Variants in RELT observed in about 807,000 individuals in gnomAD.
RELT encodes the protein tumor necrosis factor receptor superfamily member 19L.
In RELT, 37 loss-of-function variants were observed where a neutral mutation model predicts 51.1. That is an observed-to-expected ratio of 0.72 (90% CI 0.56 to 0.95). The LOEUF is 0.95. Ranked by LOEUF, RELT falls within the 40% of genes least tolerant of loss-of-function variation. The pLI, the probability that RELT is intolerant of heterozygous loss-of-function variation, is 0.00. For synonymous variants in RELT, 241 were observed against 235.7 expected (o/e 1.02, Z -0.21); for missense variants, 535 against 572.6 (o/e 0.93, Z 0.67).
chr11:73,390,605 C>T lies in RELT; in HGVS notation c.100C>T (p.Pro34Ser). Reference sequence around the variant, plus strand: ...ATCAACAACCCTTTGGCAGTGCCCACCTGGGGAGGAGCCCGACCTGGTGAG... The same window carrying T: ...ATCAACAACCCTTTGGCAGTGCCCATCTGGGGAGGAGCCCGACCTGGTGAG... ...LTSTTLWQCP[P>S]GEEPDLDPGQ... Residue 34 changes from proline to serine, a missense_variant, in exon 3 of 11, where the codon CCT (proline) becomes TCT (serine). Pro to Ser is a moderately conservative substitution (Grantham distance 74, BLOSUM62 -1). Coordinates refer to ENST00000064780, the MANE Select transcript of RELT (RefSeq NM_152222.2). 2 of 1,613,968 alleles carry T rather than the reference C, an allele frequency of 1.2e-6. No homozygotes were observed. The highest frequency in any genetic ancestry group is 1.7e-6 in the Non-Finnish European group (2 of 1,179,996).
rs1239295017 is a variant in RELT at position 73,388,984 on chromosome 11, G to C, written c.-25-128G>C. On this transcript the variant is annotated intron_variant, in intron 1 of 10. Transcript: ENST00000064780. This position sits in a 1 kb window ranked among gnomAD's most constrained non-coding sequence, Gnocchi z 4.1. ...GCGGGTGTGGAGCCGGCCTCCCCGG[G>C]CTCTGCCTGCCCAGCAGCACCTTGC... 1 of 640,700 alleles carries C rather than the reference G, an allele frequency of 1.6e-6. No individual in the cohort carries two copies. The highest frequency in any genetic ancestry group is 1.7e-5 in the South Asian group (1 of 57,242). The allele number at this position is 640,700 out of a possible 1,614,324, so 39.7% of individuals were successfully genotyped here.
chr11:73,393,540 C>T lies in RELT; in HGVS notation c.626-297C>T, dbSNP rs943460743. Reference sequence around the variant, plus strand: ...GAGGAGACAGTGCAGACCCAGAAGACGCTGACGCACCGCCCCCTCGCCCGC... The same window carrying T: ...GAGGAGACAGTGCAGACCCAGAAGATGCTGACGCACCGCCCCCTCGCCCGC... On this transcript the variant is annotated intron_variant, in intron 6 of 10. Coordinates refer to ENST00000064780, the MANE Select transcript of RELT (RefSeq NM_152222.2). 2.7e-5 allele frequency: 36 copies of T among 1,323,390 alleles called. No homozygotes were observed. The East Asian group carries it at 4.7e-4, about 17-fold the overall frequency. The allele number at this position is 1,323,390 out of a possible 1,614,324, so 82.0% of individuals were successfully genotyped here.
chr11:73,384,695 T>A (rs1456962202), intron 1 of RELT: 3 of 152,356 alleles, frequency 2.0e-5, no homozygotes, highest in Non-Finnish European at 4.4e-5. Context: ...GCCTGCTCAC[T>A]GGCTCTTCTA....
intron 1 of RELT, among the ~76,000 whole-genome samples, chr11:73,377,045 A>G (rs1046363820): frequency 6.6e-6 from 1 of 152,222 alleles, no homozygotes; most frequent in African/African-American, 2.4e-5. Flanking sequence ...CGGGCGACAC[A>G]GAGGGGCTCT....
chr11:73,381,259 C>T (rs1018997268), intron 1 of RELT, among the ~76,000 whole-genome samples: 7 of 152,232 alleles, frequency 4.6e-5, no homozygotes, highest in Admixed American at 3.3e-4. Flanking sequence ...AGGGGGACAG[C>T]GGGACCTCTA....
At chr11:73,393,726 T>TG in intron 6 of RELT, 111 bp from the exon 7 acceptor site, 1 of 1,561,012 alleles carries the variant, frequency 6.4e-7, no homozygotes, top group Non-Finnish European at 8.8e-7. Context: ...TAAATGCACA[T>TG]GCTCAGGGCC....
At position 73,394,018 on chromosome 11, in the gene RELT, C is replaced by A; in HGVS notation, c.706+101C>A. Reference sequence around the variant, plus strand: ...GTGGGCAGAGTCTTGCCCTGCTCTGCCTTCCCTGCCAGGGTGCCTCAAGCA... The same window carrying A: ...GTGGGCAGAGTCTTGCCCTGCTCTGACTTCCCTGCCAGGGTGCCTCAAGCA... On this transcript the variant is annotated intron_variant, in intron 7 of 10. Coordinates refer to ENST00000064780, the MANE Select transcript of RELT (RefSeq NM_152222.2). The surrounding 1 kb of genome is among the most constrained non-coding windows in gnomAD (Gnocchi z 4.9). 8.1e-7 allele frequency: 1 copy of A among 1,231,094 alleles called. No individual in the cohort carries two copies. The highest frequency in any genetic ancestry group is 1.2e-5 in the South Asian group (1 of 81,892). 76.3% of individuals were successfully genotyped at this position (1,231,094 alleles called of 1,614,324 possible).
chr11:73,390,422 C>T lies in RELT; in HGVS notation c.46-129C>T, dbSNP rs1022638702. 6 of 791,736 alleles carry T rather than the reference C, an allele frequency of 7.6e-6. No homozygotes were observed. In the African/African-American group the frequency reaches 8.4e-5, roughly 11 times the overall value. 49.0% of individuals were successfully genotyped at this position (791,736 alleles called of 1,614,324 possible). A position where few individuals can be genotyped will look rare whatever the true frequency, so the allele number is the denominator to read the frequency against. On this transcript the variant is annotated intron_variant, in intron 2 of 10. Coordinates refer to ENST00000064780, the MANE Select transcript of RELT (RefSeq NM_152222.2). Reference sequence around the variant, plus strand: ...GGGATTGAGGTTAGAAGAGTGTGTCCCTGAAGCCCGGGTGGGGTAGTCAGT... The same window carrying T: ...GGGATTGAGGTTAGAAGAGTGTGTCTCTGAAGCCCGGGTGGGGTAGTCAGT...
At position 73,395,664 on chromosome 11, in the gene RELT, G is replaced by A; in HGVS notation, c.*173G>A. 2 of 639,842 alleles carry A rather than the reference G, an allele frequency of 3.1e-6. No individual in the cohort carries two copies. The highest frequency in any genetic ancestry group is 3.5e-5 in the South Asian group (2 of 57,424). The allele number at this position is 639,842 out of a possible 1,614,324, so 39.6% of individuals were successfully genotyped here. On this transcript the variant is annotated 3_prime_UTR_variant, in exon 11 of 11. Coordinates refer to ENST00000064780, the MANE Select transcript of RELT (RefSeq NM_152222.2). ...AGCGTCTGCCCCAGTGAGGAGGCAG[G>A]TGGCCGGCGGGCACTGTGTACAGGA...
In RELT at chr11:73,394,921, A is replaced by T; in HGVS notation, c.1047-166A>T. 1.1e-6 allele frequency: 1 copy of T among 894,488 alleles called. No homozygotes were observed. Among genetic ancestry groups the T allele is most frequent in the Non-Finnish European group, 1.7e-6 (1 of 591,870 alleles). 55.4% of individuals were successfully genotyped at this position (894,488 alleles called of 1,614,324 possible). On this transcript the variant is annotated intron_variant, in intron 9 of 10. Coordinates refer to ENST00000064780, the MANE Select transcript of RELT (RefSeq NM_152222.2). This position sits in a 1 kb window ranked among gnomAD's most constrained non-coding sequence, Gnocchi z 4.9. ...ACTTTCCGGTTATGTTGTGTCTCACATGGAGCCCTTGCATCCCTAGGGCAG... is the reference window on the plus strand; with the variant it reads ...ACTTTCCGGTTATGTTGTGTCTCACTTGGAGCCCTTGCATCCCTAGGGCAG...
chr11:73,395,660 G>A lies in RELT; in HGVS notation c.*169G>A. On this transcript the variant is annotated 3_prime_UTR_variant, in exon 11 of 11. Coordinates refer to ENST00000064780, the MANE Select transcript of RELT (RefSeq NM_152222.2). ...TGGGAGCGTCTGCCCCAGTGAGGAG[G>A]CAGGTGGCCGGCGGGCACTGTGTAC... 1 of 645,146 alleles carries A rather than the reference G, an allele frequency of 1.6e-6. No individual in the cohort carries two copies. Among genetic ancestry groups the A allele is most frequent in the Non-Finnish European group, 2.8e-6 (1 of 355,046 alleles). 40.0% of individuals were successfully genotyped at this position (645,146 alleles called of 1,614,324 possible).
rs1416827574 is a variant in RELT, at chr11:73,394,794, G to A, written c.1046+60G>A. ...AGACGTGACAGCCTGGGGGCCGGGA[G>A]GGGGAGGCAGGGCCCCAGCTTGGGC... On this transcript the variant is annotated intron_variant, in intron 9 of 10. Transcript: ENST00000064780. This position sits in a 1 kb window ranked among gnomAD's most constrained non-coding sequence, Gnocchi z 4.9. 5.1e-6 allele frequency: 8 copies of A among 1,561,984 alleles called. No homozygotes were observed. Among genetic ancestry groups the A allele is most frequent in the South Asian group, 2.3e-5 (2 of 86,804 alleles).
Position 73,389,161 on chromosome 11 carries a change from C to T in RELT, c.25C>T (p.Pro9Ser), listed in dbSNP as rs1304143085. The T allele has an allele frequency of 1.3e-6, 2 of 1,550,572 alleles. No homozygotes were observed. ...GATGAAGCCAAGTCTGCTGTGCCGG[C>T]CCCTGTCCTGCTTCCTTATGGTGAG... MKPSLLCR[P>S]LSCFLMLLPW... is the part of the protein sequence containing the mutation. Residue 9 changes from proline (P) to serine (S), a missense_variant, in exon 2 of 11, where the codon CCC becomes TCC. Pro to Ser is a moderately conservative substitution (Grantham distance 74). Coordinates refer to ENST00000064780, the MANE Select transcript of RELT (RefSeq NM_152222.2).
chr11:73,390,899 C>T lies in RELT; in HGVS notation c.265C>T (p.Leu89Phe), dbSNP rs770465350. The T allele has an allele frequency of 6.2e-7, 1 of 1,613,276 alleles. No homozygotes were observed. The highest frequency in any genetic ancestry group is 2.2e-5 in the East Asian group (1 of 44,874). The change falls in exon 4 of 11, where the codon CTC becomes TTC. Residue 89 changes from leucine to phenylalanine, a missense_variant. Transcript: ENST00000064780. The part of the protein sequence containing the change: ...AQVGMATRDT[L>F]CGDCWPGWFG... ...GGTGGGCATGGCAACTCGAGATACA[C>T]TCTGTGGAGACTGCTGGCCTGGGTA...
intron 1 of RELT, 92 bp from the exon 2 acceptor site, chr11:73,389,020 T>C (rs1000490926): frequency 6.8e-5 from 49 of 718,184 alleles, no homozygotes; most frequent in Non-Finnish European, 1.0e-4. Context: ...CTGCTCCCCA[T>C]GAGTCCTGTC....
chr11:73,395,043 C>CG, intron 9 of RELT, 44 bp from the exon 10 acceptor site: 1 of 1,533,814 alleles, frequency 6.5e-7, no homozygotes, highest in Non-Finnish European at 9.0e-7. Flanking sequence ...CTCTGTGCCC[C>CG]GGGATCCCCG....
chr11:73,382,347 G>C (rs1364685778), intron 1 of RELT, among the ~76,000 whole-genome samples: 4 of 152,254 alleles, frequency 2.6e-5, no homozygotes, highest in African/African-American at 9.6e-5. Flanking sequence ...AGGGTGATTG[G>C]GGGCAGGGCC....
chr11:73,379,744 G>C (rs1267969845), intron 1 of RELT, among the ~76,000 whole-genome samples: 1 of 152,184 alleles, frequency 6.6e-6, no homozygotes, highest in Admixed American at 6.5e-5. Context: ...TGCCATCCCT[G>C]CCCAGGCTCT....
rs1033721502 is a variant in RELT, at chr11:73,376,442, C to T, written c.-83C>T. 3 of 151,948 alleles carry T rather than the reference C, an allele frequency of 2.0e-5. No individual in the cohort carries two copies. Among genetic ancestry groups the T allele is most frequent in the Non-Finnish European group, 4.4e-5 (3 of 67,960 alleles). 9.4% of individuals were successfully genotyped at this position (151,948 alleles called of 1,614,324 possible). A position where few individuals can be genotyped will look rare whatever the true frequency, so the allele number is the denominator to read the frequency against. ...GCGGCTGTCCGGGCGCTCGCCGAGCCGGGCCGCGGCGCCGAGTCGAACGGG... is the reference window on the plus strand; with the variant it reads ...GCGGCTGTCCGGGCGCTCGCCGAGCTGGGCCGCGGCGCCGAGTCGAACGGG... On this transcript the variant is annotated 5_prime_UTR_variant, in exon 1 of 11. Coordinates refer to ENST00000064780, the MANE Select transcript of RELT (RefSeq NM_152222.2).
Sources: gnomAD v4.1 joint callset for allele counts (sites outside exome capture counted in the v4.1 genomes callset) on GRCh38, gnomAD v4.1.1 for gene constraint, Gnocchi (gnomAD v3.1) non-coding constraint, MANE v1.5 for transcripts, NCBI Gene and HGNC (gene_info 2026-07-23, HGNC 2026-07-21) for gene names.